The following LPAR6 variants were observed in gnomAD, a reference collection of about 807,000 sequenced individuals.
The protein encoded by LPAR6 is lysophosphatidic acid receptor 6, also known as G-protein coupled purinergic receptor P2Y5.
In LPAR6, 17 loss-of-function variants were observed where a neutral mutation model predicts 22.0. That is an observed-to-expected ratio of 0.77 (90% confidence interval 0.53 to 1.16). The LOEUF is 1.16. Among genes scored for constraint, LPAR6 ranks in the 50% most tolerant of loss-of-function variants. LPAR6 has a pLI of 0.00. For missense variants in LPAR6, 384 were observed against 406.9 expected (o/e 0.94, Z 0.48); for synonymous variants, 136 against 139.8 (o/e 0.97, Z 0.19).
upstream of LPAR6, among the ~76,000 whole-genome samples, chr13:48,413,557 A>G (rs143389885): frequency 6.6e-6 from 1 of 152,308 alleles, no homozygotes; most frequent in Non-Finnish European, 1.5e-5. Flanking sequence ...GGGGCCTTTA[A>G]CCTTTAAGGT....
chr13:48,407,568 AT>A (rs1374792060), downstream of LPAR6, among the ~76,000 whole-genome samples: 1 of 152,236 alleles, frequency 6.6e-6, no homozygotes, highest in Non-Finnish European at 1.5e-5. Flanking sequence ...TTTAGGAGTT[AT>A]GTACATGCTG....
At chr13:48,396,573 G>A (rs1345482351) in intron 1 of LPAR6, among the ~76,000 whole-genome samples, 4 of 152,142 alleles carry the variant, frequency 2.6e-5, no homozygotes, top group Non-Finnish European at 5.9e-5. Flanking sequence ...ATACCATTCA[G>A]GACATAGGCA....
At chr13:48,417,699 A>G (rs550917760), upstream of LPAR6, among the ~76,000 whole-genome samples, 2 of 152,308 alleles carry the variant, frequency 1.3e-5, no homozygotes, top group African/African-American at 4.8e-5. Context: ...AAATGACCTG[A>G]TGGAGCTGAA....
At chr13:48,422,376 G>A (rs1949019634) in intron 2 of LPAR6, among the ~76,000 whole-genome samples, 1 of 152,310 alleles carries the variant, frequency 6.6e-6, no homozygotes, top group East Asian at 1.9e-4. Flanking sequence ...GGGGTTGGGG[G>A]TTAGAGGAGG....
downstream of LPAR6, chr13:48,406,495 G>A (rs1199805193): frequency 6.6e-6 from 1 of 152,090 alleles, no homozygotes; most frequent in African/African-American, 2.4e-5. Flanking sequence ...TTTTCTTGCT[G>A]AAGACAAATG....
upstream of LPAR6, among the ~76,000 whole-genome samples, chr13:48,415,188 C>T (rs1948887419): frequency 1.3e-5 from 2 of 151,924 alleles, no homozygotes; most frequent in Admixed American, 1.3e-4. Context: ...TTTATTAATT[C>T]TACTTGGAAT....
chr13:48,402,204 A>G (rs1219442241), intron 1 of LPAR6, among the ~76,000 whole-genome samples: 2 of 152,070 alleles, frequency 1.3e-5, no homozygotes, highest in Non-Finnish European at 2.9e-5. Flanking sequence ...TCTTTTTCAT[A>G]GGAATATCAG....
downstream of LPAR6, among the ~76,000 whole-genome samples, chr13:48,407,754 CA>C: frequency 6.6e-6 from 1 of 152,188 alleles, no homozygotes; most frequent in Middle Eastern, 3.4e-3. Context: ...AGGAAAGCCC[CA>C]AAAAGCTTTT....
chr13:48,405,487 A>C (rs12585742), intron 1 of LPAR6, among the ~76,000 whole-genome samples: 1,897 of 152,264 alleles, frequency 0.012, 44 homozygotes, highest in African/African-American at 0.039. Flanking sequence ...CATAGTTTTG[A>C]CTGCATATAA....
Position 48,411,144 on chromosome 13 carries a change from TAA to T in LPAR6, c.*243_*244del. 2.6e-6 allele frequency: 1 copy of T among 380,164 alleles called. No individual in the cohort carries two copies. Among genetic ancestry groups the T allele is most frequent in the Non-Finnish European group, 4.8e-6 (1 of 207,070 alleles). 23.5% of individuals were successfully genotyped at this position (380,164 alleles called of 1,614,324 possible). On this transcript the variant is annotated 3_prime_UTR_variant, in exon 1 of 1. Coordinates refer to ENST00000620633, the MANE Select transcript of LPAR6 (RefSeq NM_001162498.3). ...GTCACTTTTAGACACTAAATAACTT[TAA>T]GAGATTTTTTTTAATGAAGGAACAA...
chr13:48,432,743 G>A (rs769766852), intron 1 of LPAR6, among the ~76,000 whole-genome samples: 39 of 151,738 alleles, frequency 2.6e-4, no homozygotes, highest in Non-Finnish European at 3.4e-4. Context: ...TTGAGTAAGC[G>A]TACAGGAATA....
At chr13:48,432,581 C>A (rs1216269284) in intron 1 of LPAR6, among the ~76,000 whole-genome samples, 1 of 152,018 alleles carries the variant, frequency 6.6e-6, no homozygotes, top group Non-Finnish European at 1.5e-5. Flanking sequence ...AGGTTCATGT[C>A]TTTTACTCTT....
At chr13:48,391,156 C>G (rs768588902) in intron 1 of LPAR6, among the ~76,000 whole-genome samples, 4 of 151,912 alleles carry the variant, frequency 2.6e-5, no homozygotes, top group Non-Finnish European at 4.4e-5. Flanking sequence ...TAATATGAAT[C>G]TTTAATCTTT....
intron 1 of LPAR6, among the ~76,000 whole-genome samples, chr13:48,402,572 T>C (rs1948702755): frequency 6.6e-6 from 1 of 151,824 alleles, no homozygotes; most frequent in Non-Finnish European, 1.5e-5. Flanking sequence ...AGAGACGGGG[T>C]CTTGCTGTTG....
chr13:48,444,139 T>C (rs1278876294), intron 1 of LPAR6, among the ~76,000 whole-genome samples: 3 of 152,148 alleles, frequency 2.0e-5, no homozygotes, highest in Non-Finnish European at 4.4e-5. Flanking sequence ...ATCCTAGGCC[T>C]CCAGAACTTC....
rs80175359 is a variant in LPAR6, at chr13:48,400,462, A to G, written n.115-10650T>C. Among the ~76,000 whole-genome samples the G allele has an allele frequency of 9.5e-4, 145 of 152,144 alleles. No individual in the cohort carries two copies. The Middle Eastern group carries it at 0.01, about 11-fold the overall frequency. On this transcript the variant is annotated intron_variant and non_coding_transcript_variant, in intron 1 of 1. Coordinates refer to the LPAR6 transcript ENST00000462781. The stretch of plus-strand genomic sequence containing the variant: ...AGTGTATATTAGTTTACTGTTTGGT[A>G]TGTGCATTGTCATGATTCGTTTATT...
At chr13:48,403,252 T>C (rs1948709453) in intron 1 of LPAR6, among the ~76,000 whole-genome samples, 1 of 152,176 alleles carries the variant, frequency 6.6e-6, no homozygotes, top group African/African-American at 2.4e-5. Flanking sequence ...TTCTCATTTA[T>C]AATGAGATAA....
At chr13:48,409,843 T>C (rs957584590), downstream of LPAR6, among the ~76,000 whole-genome samples, 4 of 152,108 alleles carry the variant, frequency 2.6e-5, no homozygotes, top group African/African-American at 7.2e-5. Flanking sequence ...CCACCCAAAG[T>C]GCTAGGATTA....
At chr13:48,441,356 G>T (rs116656774) in intron 1 of LPAR6, among the ~76,000 whole-genome samples, 1 of 152,226 alleles carries the variant, frequency 6.6e-6, no homozygotes, top group African/African-American at 2.4e-5. Flanking sequence ...AATTTCTATT[G>T]TATCTGGCCA....
Sources: allele counts gnomAD v4.1 joint callset (sites outside exome capture counted in the v4.1 genomes callset), GRCh38; gene constraint gnomAD v4.1.1; transcripts MANE v1.5; gene names NCBI Gene and HGNC (gene_info 2026-07-23, HGNC 2026-07-21).